The following SPATA6 variants were observed in gnomAD, a reference collection of about 807,000 sequenced individuals.
The protein encoded by SPATA6 is spermatogenesis associated 6.
A neutral mutation model predicts 65.3 loss-of-function variants in SPATA6; 56 were observed. The ratio of observed to expected loss-of-function variants is 0.86; its 90% CI spans 0.69 to 1.07. The LOEUF (loss-of-function observed/expected upper bound fraction) is 1.07, where lower values mean the gene tolerates loss of function less well. Ranked by LOEUF, SPATA6 falls within the 50% of genes least tolerant of loss-of-function variation. The pLI is 0.00. For missense variants in SPATA6, 590 were observed against 594.8 expected, an observed-to-expected ratio of 0.99 and a Z score of 0.08; for synonymous variants, 199 against 213.2, an observed-to-expected ratio of 0.93 and a Z score of 0.58.
At chr1:48,418,524 A>G (rs1652992185) in intron 3 of SPATA6, among the ~76,000 whole-genome samples, 2 of 136,588 alleles carry the variant, frequency 1.5e-5, no homozygotes, top group Non-Finnish European at 1.5e-5. Flanking sequence ...CCTGGGCAAC[A>G]TGGCAAGAAC....
chr1:48,405,751 A>G (rs1356414980), intron 5 of SPATA6, among the ~76,000 whole-genome samples: 1 of 152,102 alleles, frequency 6.6e-6, no homozygotes, highest in Non-Finnish European at 1.5e-5. Flanking sequence ...ACTAAGTATA[A>G]TCCAAACTCA....
chr1:48,279,802 G>T, the SPATA6 span, among the ~76,000 whole-genome samples: 2 of 152,142 alleles, frequency 1.3e-5, no homozygotes, highest in African/African-American at 2.4e-5. Context: ...GGATACCCAG[G>T]AATTGAAGTC....
At chr1:48,413,457 T>C (rs929328147) in intron 3 of SPATA6, among the ~76,000 whole-genome samples, 3 of 68,888 alleles carry the variant, frequency 4.4e-5, no homozygotes, top group Non-Finnish European at 8.7e-5. Flanking sequence ...GCCCGGATAC[T>C]TTTTTTTTTT....
At chr1:48,276,660 A>G in the SPATA6 span, among the ~76,000 whole-genome samples, 1 of 152,132 alleles carries the variant, frequency 6.6e-6, no homozygotes, top group African/African-American at 2.4e-5. Context: ...GTTTCTTAAT[A>G]CTGAGTTCTA....
At chr1:48,335,139 C>G (rs1219847651) in intron 11 of SPATA6, among the ~76,000 whole-genome samples, 1 of 151,580 alleles carries the variant, frequency 6.6e-6, no homozygotes, top group African/African-American at 2.4e-5. Context: ...GAGATGACAC[C>G]AAAAAATGGA....
intron 5 of SPATA6, 34 bp downstream of exon 5, chr1:48,411,430 T>A: frequency 6.3e-7 from 1 of 1,590,880 alleles, no homozygotes; most frequent in Non-Finnish European, 8.6e-7. Context: ...TGATTTTCCA[T>A]CAAAAACTGA....
At chr1:48,448,492 GAAA>G (rs199827948) in intron 3 of SPATA6, among the ~76,000 whole-genome samples, 9 of 136,664 alleles carry the variant, frequency 6.6e-5, no homozygotes, top group Non-Finnish European at 9.4e-5. Context: ...GTCCCCACAG[GAAA>G]AAAAAAAAAA....
chr1:48,419,525 TCTAATGAA>T (rs1382338580), intron 3 of SPATA6, among the ~76,000 whole-genome samples: 1 of 152,092 alleles, frequency 6.6e-6, no homozygotes, highest in Non-Finnish European at 1.5e-5. Flanking sequence ...ACGGGATACA[TCTAATGAA>T]CAAGCTCCTA....
intron 5 of SPATA6, among the ~76,000 whole-genome samples, chr1:48,408,775 A>T (rs1487095097): frequency 6.6e-6 from 1 of 152,202 alleles, no homozygotes; most frequent in Non-Finnish European, 1.5e-5. Flanking sequence ...GAGCTTGTGC[A>T]AAGAAATTCC....
At chr1:48,404,612 G>C (rs1651514915) in intron 5 of SPATA6, among the ~76,000 whole-genome samples, 1 of 151,736 alleles carries the variant, frequency 6.6e-6, no homozygotes, top group Non-Finnish European at 1.5e-5. Context: ...CAAAGCACTG[G>C]AATTACAGGC....
chr1:48,323,914 T>A (rs1645678560), intron 11 of SPATA6, among the ~76,000 whole-genome samples: 1 of 152,162 alleles, frequency 6.6e-6, no homozygotes, highest in African/African-American at 2.4e-5. Flanking sequence ...AATAATTTTA[T>A]CAAACATTTA....
chr1:48,370,974 T>C (rs370150218), intron 9 of SPATA6, among the ~76,000 whole-genome samples: 1 of 152,198 alleles, frequency 6.6e-6, no homozygotes, highest in African/African-American at 2.4e-5. Context: ...ACTAAAGTTA[T>C]AATGTGATCA....
chr1:48,460,684 C>T (rs551277970), intron 1 of SPATA6, among the ~76,000 whole-genome samples: 9 of 151,298 alleles, frequency 5.9e-5, no homozygotes, highest in Middle Eastern at 3.4e-3. Context: ...GCAAAATGTG[C>T]TACTAGAAAT....
chr1:48,274,103 G>A, the SPATA6 span, among the ~76,000 whole-genome samples: 1 of 152,116 alleles, frequency 6.6e-6, no homozygotes, highest in African/African-American at 2.4e-5. Flanking sequence ...GTGTGATCAT[G>A]AGCTTTTTTT....
intron 11 of SPATA6, among the ~76,000 whole-genome samples, chr1:48,342,368 C>A (rs556402355): frequency 1.3e-5 from 2 of 152,146 alleles, no homozygotes; most frequent in South Asian, 4.1e-4. Context: ...GAATAAATAT[C>A]ACTTTGGGAG....
intron 6 of SPATA6, 142 bp downstream of exon 6, chr1:48,403,660 C>T (rs1651399126): frequency 1.7e-6 from 1 of 589,988 alleles, no homozygotes; most frequent in African/African-American, 1.9e-5. Flanking sequence ...CTGCTAAATA[C>T]CTATATTGTT....
intron 3 of SPATA6, among the ~76,000 whole-genome samples, chr1:48,451,178 T>C (rs1318734739): frequency 2.0e-5 from 3 of 152,244 alleles, no homozygotes; most frequent in African/African-American, 2.4e-5. Flanking sequence ...ATTCACTCTC[T>C]TGACTTGAAA....
the SPATA6 span, among the ~76,000 whole-genome samples, chr1:48,263,448 C>A: frequency 6.6e-6 from 1 of 152,008 alleles, no homozygotes; most frequent in African/African-American, 2.4e-5. Flanking sequence ...TCAATACCCA[C>A]CGATGTGCGC....
At chr1:48,305,968 CT>C in intron 11 of SPATA6, 90 bp from the exon 12 acceptor site, 1 of 903,202 alleles carries the variant, frequency 1.1e-6, no homozygotes, top group Non-Finnish European at 1.7e-6. Flanking sequence ...CTTCCCCTCC[CT>C]TTATAAATTT....
Sources: allele counts gnomAD v4.1 joint callset (sites outside exome capture counted in the v4.1 genomes callset), GRCh38; gene constraint gnomAD v4.1.1; transcripts MANE v1.5; gene names NCBI Gene and HGNC (gene_info 2026-07-23, HGNC 2026-07-21).